RIT2: variants seen among roughly 807,000 people sequenced by gnomAD.
RIT2 encodes the protein Ras like without CAAX 2.
Under a neutral mutation model 23.7 loss-of-function variants are expected in RIT2, and 24 were observed. The observed-to-expected ratio is 1.01, with a 90% CI of 0.73 to 1.43. The LOEUF is 1.43. RIT2 is among the 40% of genes most tolerant of loss of function. RIT2 has a pLI of 0.00. For missense variants in RIT2, 236 were observed against 266.9 expected, an observed-to-expected ratio of 0.88 and a Z score of 0.81; for synonymous variants, 107 against 91.1, an observed-to-expected ratio of 1.17 and a Z score of -0.99.
intron 1 of RIT2, among the ~76,000 whole-genome samples, chr18:43,106,098 C>T (rs2144246071): frequency 6.6e-6 from 1 of 152,280 alleles, no homozygotes; most frequent in African/African-American, 2.4e-5. Flanking sequence ...TAACCACACC[C>T]ACACTTCTGG....
intron 1 of RIT2, among the ~76,000 whole-genome samples, chr18:43,071,562 TA>T (rs1462154611): frequency 6.6e-6 from 1 of 152,162 alleles, no homozygotes; most frequent in Admixed American, 6.6e-5. Flanking sequence ...CCAGTACACA[TA>T]TGTGCCTTTT....
chr18:43,094,539 C>T (rs190145766), intron 1 of RIT2, among the ~76,000 whole-genome samples: 20 of 151,828 alleles, frequency 1.3e-4, no homozygotes, highest in African/African-American at 4.1e-4. Context: ...TTGAGTTTCA[C>T]GGGAAAATGT....
At chr18:42,805,290 A>G (rs868246783) in intron 4 of RIT2, among the ~76,000 whole-genome samples, 15 of 152,206 alleles carry the variant, frequency 9.9e-5, no homozygotes, top group South Asian at 4.1e-4. Flanking sequence ...AAATCTCATT[A>G]ATATCTGGCC....
intron 1 of RIT2, among the ~76,000 whole-genome samples, chr18:43,050,527 G>C (rs898336059): frequency 5.9e-5 from 9 of 152,074 alleles, no homozygotes; most frequent in South Asian, 2.1e-4. Context: ...TTTGCGTCCA[G>C]GGTTCCTGGT....
At chr18:42,892,453 C>T (rs1401185891) in intron 4 of RIT2, among the ~76,000 whole-genome samples, 1 of 152,142 alleles carries the variant, frequency 6.6e-6, no homozygotes, top group African/African-American at 2.4e-5. Flanking sequence ...CTCAGAATAG[C>T]TTGATACTTC....
In RIT2 at chr18:42,743,726, G is replaced by A; in HGVS notation, c.427-6C>T. The A allele has an allele frequency of 6.3e-7, 1 of 1,576,094 alleles. No homozygotes were observed. Among genetic ancestry groups the A allele is most frequent in the Admixed American group, 1.8e-5 (1 of 56,314 alleles). Reference sequence around the variant, plus strand: ...AAGCCTTCTTCTGTAGAAACCTAAGGAAAAAACAAATAATATTAAAAAGAC... The same window carrying A: ...AAGCCTTCTTCTGTAGAAACCTAAGAAAAAAACAAATAATATTAAAAAGAC... On this transcript the variant is annotated splice_region_variant and splice_polypyrimidine_tract_variant and intron_variant, in intron 4 of 4. Coordinates refer to ENST00000326695, the MANE Select transcript of RIT2 (RefSeq NM_002930.4).
intron 4 of RIT2, among the ~76,000 whole-genome samples, chr18:42,822,706 T>C (rs1187275850): frequency 6.6e-6 from 1 of 152,128 alleles, no homozygotes; most frequent in Non-Finnish European, 1.5e-5. Flanking sequence ...CAATAATATC[T>C]TTATTTTACA....
At chr18:43,024,767 C>T (rs971314729) in intron 2 of RIT2, among the ~76,000 whole-genome samples, 5 of 150,102 alleles carry the variant, frequency 3.3e-5, no homozygotes, top group African/African-American at 1.2e-4. Flanking sequence ...ATAAAGTGGG[C>T]AAAGAACATA....
intron 4 of RIT2, among the ~76,000 whole-genome samples, chr18:42,850,077 G>A (rs1036562987): frequency 9.8e-4 from 3 of 3,070 alleles, no homozygotes; most frequent in Admixed American, 1.8e-3. Context: ...AAATACACCC[G>A]TGTGTGTGTG....
chr18:42,882,667 G>A (rs1267836951), intron 4 of RIT2, among the ~76,000 whole-genome samples: 12 of 152,126 alleles, frequency 7.9e-5, no homozygotes, highest in Non-Finnish European at 1.3e-4. Context: ...TTTGATATGG[G>A]TCAATCAGTG....
intron 4 of RIT2, among the ~76,000 whole-genome samples, chr18:42,913,444 C>T (rs1045581207): frequency 2.6e-5 from 4 of 151,718 alleles, no homozygotes; most frequent in African/African-American, 9.7e-5. Flanking sequence ...AGACAAACTA[C>T]TGACTAGAAC....
At chr18:42,953,144 C>T (rs1026038251) in intron 3 of RIT2, among the ~76,000 whole-genome samples, 4 of 151,846 alleles carry the variant, frequency 2.6e-5, no homozygotes, top group African/African-American at 9.7e-5. Flanking sequence ...ATTGTCTTCT[C>T]TTTTTGTCTT....
At chr18:43,017,746 T>C (rs1484008676) in intron 2 of RIT2, among the ~76,000 whole-genome samples, 1 of 151,976 alleles carries the variant, frequency 6.6e-6, no homozygotes, top group African/African-American at 2.4e-5. Flanking sequence ...CATTTTTCAT[T>C]TGGAGAAATA....
At chr18:42,820,562 A>C (rs922488266) in intron 4 of RIT2, among the ~76,000 whole-genome samples, 2 of 152,076 alleles carry the variant, frequency 1.3e-5, no homozygotes, top group African/African-American at 4.8e-5. Flanking sequence ...ATCAGACTTT[A>C]TATTCCCCTG....
At chr18:43,071,007 A>G (rs1159426760) in intron 1 of RIT2, among the ~76,000 whole-genome samples, 4 of 152,186 alleles carry the variant, frequency 2.6e-5, no homozygotes, top group Non-Finnish European at 5.9e-5. Flanking sequence ...ATATAGGAAC[A>G]AAAAAAGAAC....
chr18:43,043,130 T>C (rs983712605), intron 1 of RIT2, among the ~76,000 whole-genome samples: 30 of 152,162 alleles, frequency 2.0e-4, no homozygotes, highest in Non-Finnish European at 4.3e-4. Context: ...TAAAACAATT[T>C]AAATTTAGGA....
intron 1 of RIT2, among the ~76,000 whole-genome samples, chr18:43,060,150 T>C (rs764888480): frequency 1.3e-5 from 2 of 152,120 alleles, no homozygotes; most frequent in Non-Finnish European, 2.9e-5. Context: ...AAGCAAACTT[T>C]AGAGAGGATA....
intron 4 of RIT2, among the ~76,000 whole-genome samples, chr18:42,852,425 T>C (rs946648948): frequency 7.9e-5 from 12 of 152,202 alleles, no homozygotes; most frequent in African/African-American, 2.9e-4. Flanking sequence ...TAAGGCTCTG[T>C]ACTGTTGAAC....
intron 1 of RIT2, among the ~76,000 whole-genome samples, chr18:43,082,637 A>G (rs1368992687): frequency 1.3e-5 from 2 of 152,090 alleles, no homozygotes; most frequent in Non-Finnish European, 1.5e-5. Flanking sequence ...CCACCTGATT[A>G]TTTCAATAGA....
Sources: gnomAD v4.1 joint callset for allele counts (sites outside exome capture counted in the v4.1 genomes callset) on GRCh38, gnomAD v4.1.1 for gene constraint, MANE v1.5 for transcripts, NCBI Gene and HGNC (gene_info 2026-07-23, HGNC 2026-07-21) for gene names.